Variants in CRB1 observed in about 807,000 individuals in gnomAD.
The protein encoded by CRB1 is protein crumbs homolog 1.
A neutral mutation model predicts 120.0 loss-of-function variants in CRB1; 83 were observed. That is an observed-to-expected ratio of 0.69 (90% CI 0.58 to 0.83). The LOEUF is 0.83. CRB1 is among the 40% of genes least tolerant of loss of function. The probability of loss-of-function intolerance (pLI) is 0.00; values close to 1 mark genes in which losing one functional copy is unlikely to be tolerated. For missense variants in CRB1, 1,699 were observed against 1,687.6 expected, an observed-to-expected ratio of 1.01 and a Z score of -0.12; for synonymous variants, 625 against 612.5, an observed-to-expected ratio of 1.02 and a Z score of -0.30.
intron 5 of CRB1, among the ~76,000 whole-genome samples, chr1:197,388,607 C>T (rs1333118866): frequency 6.6e-6 from 1 of 151,898 alleles, no homozygotes; most frequent in Non-Finnish European, 1.5e-5. Flanking sequence ...ATTAAATAGC[C>T]ATTCCGAAAA....
chr1:197,431,406 T>C (rs984745669), intron 8 of CRB1, among the ~76,000 whole-genome samples: 6 of 152,214 alleles, frequency 3.9e-5, no homozygotes, highest in Non-Finnish European at 7.3e-5. Flanking sequence ...TGGTTTTTAA[T>C]GGGGCACTAA....
In CRB1 at chr1:197,318,532, G is replaced by A. The variant is rs144339770; in HGVS notation, c.71-9890G>A. 6.6e-5 allele frequency among the ~76,000 whole-genome samples: 10 copies of A among 152,248 alleles called. No homozygotes were observed. The East Asian group carries it at 9.7e-4, about 15-fold the overall frequency. ...CCAAAGGAAATGAAATAGGTACTTC[G>A]AAGAGATATCTGCACTCCTATGTTT... On this transcript the variant is annotated intron_variant, in intron 1 of 11. Transcript: ENST00000367400.
chr1:197,351,620 A>G (rs1213783035), intron 4 of CRB1, among the ~76,000 whole-genome samples: 2 of 152,296 alleles, frequency 1.3e-5, no homozygotes, highest in African/African-American at 4.8e-5. Flanking sequence ...CAGATGATCA[A>G]AGAAAATAAC....
At chr1:197,382,394 A>G (rs1311909757) in intron 5 of CRB1, among the ~76,000 whole-genome samples, 2 of 152,198 alleles carry the variant, frequency 1.3e-5, no homozygotes, top group Admixed American at 6.5e-5. Flanking sequence ...GTGATAAACT[A>G]GTGATGAAGG....
intron 1 of CRB1, among the ~76,000 whole-genome samples, chr1:197,307,307 T>C (rs1558042767): frequency 6.6e-6 from 1 of 152,124 alleles, no homozygotes; most frequent in Admixed American, 6.6e-5. Context: ...CAACTGCAAA[T>C]GAGGATGTTA....
intron 1 of CRB1, among the ~76,000 whole-genome samples, chr1:197,323,033 G>T (rs994427553): frequency 6.6e-6 from 1 of 151,694 alleles, no homozygotes. Context: ...TGAAACACAA[G>T]AATTATGAAA....
chr1:197,467,190 A>C (rs1666786443), intron 11 of CRB1, among the ~76,000 whole-genome samples: 1 of 152,168 alleles, frequency 6.6e-6, no homozygotes, highest in South Asian at 2.1e-4. Flanking sequence ...TACTTTTCCA[A>C]CATTTTGCTT....
rs1665250055 is a variant in CRB1, at chr1:197,438,142, T to G, written c.3750-405T>G. 4 of 247,300 alleles carry G rather than the reference T, an allele frequency of 1.6e-5. No homozygotes were observed. The Admixed American group carries it at 2.0e-4, about 12-fold the overall frequency. 15.3% of individuals were successfully genotyped at this position (247,300 alleles called of 1,614,324 possible). Reference sequence around the variant, plus strand: ...AAAGCCAATAGAGAAATCACATGAGTGCTTGGGTAGTAGAGTGCTGTCCTT... The same window carrying G: ...AAAGCCAATAGAGAAATCACATGAGGGCTTGGGTAGTAGAGTGCTGTCCTT... On this transcript the variant is annotated intron_variant, in intron 9 of 11. Transcript: ENST00000367400.
chr1:197,306,430 T>C (rs1005507155), intron 1 of CRB1, among the ~76,000 whole-genome samples: 2 of 152,130 alleles, frequency 1.3e-5, no homozygotes, highest in Admixed American at 6.5e-5. Flanking sequence ...AAATTTTGGG[T>C]TTTCTATTAT....
At chr1:197,449,433 C>A (rs1464603805) in intron 11 of CRB1, among the ~76,000 whole-genome samples, 1 of 152,110 alleles carries the variant, frequency 6.6e-6, no homozygotes, top group Non-Finnish European at 1.5e-5. Flanking sequence ...GTGGCGCAAT[C>A]TCGGCTCACT....
chr1:197,211,576 G>T, the CRB1 span, among the ~76,000 whole-genome samples: 38 of 152,082 alleles, frequency 2.5e-4, no homozygotes, highest in Admixed American at 3.9e-4. Context: ...AGTTACTTCT[G>T]GTCCTTTTAT....
chr1:197,244,702 T>C, the CRB1 span, among the ~76,000 whole-genome samples: 2 of 152,036 alleles, frequency 1.3e-5, no homozygotes, highest in African/African-American at 4.8e-5. Context: ...TTTATGTCTT[T>C]TTCCAAATTG....
chr1:197,328,305 C>T, intron 1 of CRB1, 117 bp from the exon 2 acceptor site: 1 of 777,160 alleles, frequency 1.3e-6, no homozygotes, highest in Middle Eastern at 3.7e-4. Context: ...TTAGGATGAA[C>T]CCAACTATGT....
the CRB1 span, among the ~76,000 whole-genome samples, chr1:197,257,393 CAAG>C: frequency 6.6e-6 from 1 of 152,156 alleles, no homozygotes; most frequent in Non-Finnish European, 1.5e-5. Flanking sequence ...TAATGTTTTA[CAAG>C]CTATCTGGGC....
intron 11 of CRB1, among the ~76,000 whole-genome samples, chr1:197,476,567 G>C (rs1170231930): frequency 6.6e-6 from 1 of 152,056 alleles, no homozygotes; most frequent in African/African-American, 2.4e-5. Context: ...GGATTATTGT[G>C]AGTAGATCCC....
chr1:197,302,087 T>C (rs563737437), intron 1 of CRB1, among the ~76,000 whole-genome samples: 1 of 152,276 alleles, frequency 6.6e-6, no homozygotes, highest in African/African-American at 2.4e-5. Flanking sequence ...AAGAAATCTT[T>C]CATGAAAGGA....
intron 11 of CRB1, among the ~76,000 whole-genome samples, chr1:197,449,790 G>T (rs1019589411): frequency 3.9e-5 from 6 of 152,158 alleles, no homozygotes; most frequent in African/African-American, 1.4e-4. Context: ...TCTTTAGCTG[G>T]GTGACTTGGA....
At chr1:197,221,601 T>C in the CRB1 span, among the ~76,000 whole-genome samples, 1 of 152,220 alleles carries the variant, frequency 6.6e-6, no homozygotes. Flanking sequence ...ATTTAAAAAA[T>C]AAAGACATTT....
At chr1:197,230,575 A>G in the CRB1 span, among the ~76,000 whole-genome samples, 1 of 152,166 alleles carries the variant, frequency 6.6e-6, no homozygotes, top group Non-Finnish European at 1.5e-5. Context: ...CTGATAAGTT[A>G]TTGATTGTAT....
Sources: allele counts gnomAD v4.1 joint callset (sites outside exome capture counted in the v4.1 genomes callset), GRCh38; gene constraint gnomAD v4.1.1; transcripts MANE v1.5; gene names NCBI Gene and HGNC (gene_info 2026-07-23, HGNC 2026-07-21).